Variants in QTRT2 observed in about 807,000 individuals in gnomAD.
QTRT2 encodes queuine tRNA-ribosyltransferase accessory subunit 2.
In QTRT2, 32 loss-of-function variants were observed where a neutral mutation model predicts 44.8. That is an observed-to-expected ratio of 0.71 (90% CI 0.54 to 0.96). The LOEUF is 0.96. Ranked by LOEUF, QTRT2 falls within the 40% of genes least tolerant of loss-of-function variation. The pLI is 0.00. For synonymous variants in QTRT2, 182 were observed against 187.4 expected, an observed-to-expected ratio of 0.97 and a Z score of 0.24; for missense variants, 461 against 503.1, an observed-to-expected ratio of 0.92 and a Z score of 0.80.
chr3:114,061,692 C>T (rs1391647298), intron 2 of QTRT2, among the ~76,000 whole-genome samples: 3 of 152,094 alleles, frequency 2.0e-5, no homozygotes, highest in Admixed American at 6.5e-5. Flanking sequence ...ATCTTCCTAC[C>T]TCAGATTCCC....
In QTRT2 at chr3:114,057,067, T is replaced by G; in HGVS notation, c.-61T>G. 1 of 1,380,284 alleles carries G rather than the reference T, an allele frequency of 7.2e-7. No individual in the cohort carries two copies. The highest frequency in any genetic ancestry group is 9.3e-7 in the Non-Finnish European group (1 of 1,070,786). 85.5% of individuals were successfully genotyped at this position (1,380,284 alleles called of 1,614,324 possible). ...ATCGTGTGAGCGTCGCCGACACCTC[T>G]GAGATAAAAGGGCCCCTTTCGACTA... On this transcript the variant is annotated 5_prime_UTR_variant, in exon 2 of 10. Coordinates refer to ENST00000281273, the MANE Select transcript of QTRT2 (RefSeq NM_024638.4).
At chr3:114,059,971 G>A (rs2076860269) in intron 2 of QTRT2, among the ~76,000 whole-genome samples, 1 of 152,174 alleles carries the variant, frequency 6.6e-6, no homozygotes, top group Admixed American at 6.6e-5. Context: ...AGTTATTTGG[G>A]ATTAAAGCAT....
At chr3:114,075,209 C>G (rs1227854299) in intron 6 of QTRT2, among the ~76,000 whole-genome samples, 1 of 152,062 alleles carries the variant, frequency 6.6e-6, no homozygotes, top group Non-Finnish European at 1.5e-5. Context: ...ATGTTGTTAT[C>G]TATGTTTTAA....
intron 7 of QTRT2, chr3:114,079,485 T>C (rs1577543878): frequency 6.3e-6 from 1 of 159,170 alleles, no homozygotes; most frequent in Non-Finnish European, 1.4e-5. Flanking sequence ...TTGCAGTGAG[T>C]CGAGTTTGCG....
intron 2 of QTRT2, among the ~76,000 whole-genome samples, chr3:114,063,982 A>G (rs2076920108): frequency 6.6e-6 from 1 of 152,130 alleles, no homozygotes; most frequent in African/African-American, 2.4e-5. Flanking sequence ...TGGGAGGCTG[A>G]GGTGGGCGGA....
chr3:114,088,162 G>A lies in QTRT2; in HGVS notation c.*2258G>A, dbSNP rs2077260703. ...TAAATGCATCGTTAGGGGAGTAGTGGTAAATATTCCAGAATCCATATGAAA... is the reference window on the plus strand; with the variant it reads ...TAAATGCATCGTTAGGGGAGTAGTGATAAATATTCCAGAATCCATATGAAA... On this transcript the variant is annotated 3_prime_UTR_variant, in exon 10 of 10. Transcript: ENST00000281273. 1 of 152,164 alleles carries A rather than the reference G, an allele frequency of 6.6e-6. No homozygotes were observed. The highest frequency in any genetic ancestry group is 1.5e-5 in the Non-Finnish European group (1 of 68,024). 9.4% of individuals were successfully genotyped at this position (152,164 alleles called of 1,614,324 possible). A position where few individuals can be genotyped will look rare whatever the true frequency, so the allele number is the denominator to read the frequency against.
intron 4 of QTRT2, 123 bp from the exon 5 acceptor site, chr3:114,067,864 A>G (rs2076974018): frequency 8.3e-6 from 6 of 723,346 alleles, no homozygotes; most frequent in African/African-American, 1.8e-5. Flanking sequence ...TTCAGATACA[A>G]CCTATTGACA....
rs539912464 is a variant in QTRT2 at position 114,056,868 on chromosome 3, A to G, written c.-130+4A>G. The G allele has an allele frequency of 1.0e-5, 16 of 1,535,964 alleles. No homozygotes were observed. In the South Asian group the frequency reaches 1.8e-4, roughly 17 times the overall value. On this transcript the variant is annotated splice_donor_region_variant and intron_variant, in intron 1 of 9. Transcript: ENST00000281273. ...GAGTCGAATGGTTTGTTGGCAGGTA[A>G]GTGCCCCTTTGCCCTGCTGGTGTGG...
intron 5 of QTRT2, among the ~76,000 whole-genome samples, chr3:114,069,853 G>A (rs2077001737): frequency 2.0e-5 from 3 of 152,114 alleles, no homozygotes; most frequent in African/African-American, 4.8e-5. Flanking sequence ...GGAGATTTAA[G>A]TCTTTAATTC....
rs76007538 is a variant in QTRT2 at position 114,084,907 on chromosome 3, C to T, written c.1017-766C>T. Among the ~76,000 whole-genome samples, 48 of 152,232 alleles carry T rather than the reference C, an allele frequency of 3.2e-4. No homozygotes were observed. The East Asian group carries it at 8.7e-3, about 28-fold the overall frequency. On this transcript the variant is annotated intron_variant, in intron 9 of 9. Transcript: ENST00000281273. ...GAATGAATGTGAAGGTTAAATGAGA[C>T]AGTGTATGTGAAAGTATTTGGTAAA... is the stretch of plus-strand genomic sequence containing the variant.
At chr3:114,082,827 TC>T in intron 9 of QTRT2, 33 bp downstream of exon 9, 1 of 954,984 alleles carries the variant, frequency 1.0e-6, no homozygotes, top group Middle Eastern at 2.3e-4. Context: ...GATTTTGCTT[TC>T]TGACTTCTGA....
At chr3:114,079,742 A>G (rs2077140729) in intron 7 of QTRT2, 164 bp from the exon 8 acceptor site, 6 of 554,226 alleles carry the variant, frequency 1.1e-5, no homozygotes, top group South Asian at 1.0e-4. Context: ...CTCCAAAGCC[A>G]TATGTTCTTT....
At chr3:114,066,692 G>A (rs2076958189) in intron 4 of QTRT2, 1 of 159,916 alleles carries the variant, frequency 6.3e-6, no homozygotes, top group Admixed American at 6.1e-5. Flanking sequence ...GAGAAGTTGA[G>A]GGGCATTTTA....
intron 7 of QTRT2, chr3:114,079,177 C>T (rs2077130952): frequency 6.6e-6 from 1 of 152,106 alleles, no homozygotes; most frequent in South Asian, 2.1e-4. Context: ...AGTTTATGAC[C>T]AGGGAGGTTG....
chr3:114,068,162 C>G (rs1157445793), intron 5 of QTRT2, 99 bp downstream of exon 5: 1 of 925,374 alleles, frequency 1.1e-6, no homozygotes, highest in Admixed American at 1.8e-5. Flanking sequence ...CTGGGATGAT[C>G]CCTTATACCT....
At chr3:114,070,142 TC>T (rs2077005041) in intron 5 of QTRT2, among the ~76,000 whole-genome samples, 1 of 152,158 alleles carries the variant, frequency 6.6e-6, no homozygotes, top group African/African-American at 2.4e-5. Context: ...AAGTAGAAGT[TC>T]CAGCACCTAG....
intron 7 of QTRT2, chr3:114,077,736 G>A (rs1219254789): frequency 1.6e-4 from 23 of 140,746 alleles, no homozygotes; most frequent in African/African-American, 5.2e-4. Context: ...TTTTTGAGAC[G>A]GAGTTTTGCT....
In QTRT2 at chr3:114,085,889, C is replaced by G. The variant is rs747588553; in HGVS notation, c.1233C>G (p.His411Gln). ...DKLAQLKELI[H>Q]RQAS ...TGGCACAGTTGAAAGAGCTCATCCA[C>G]AGGCAAGCATCTTGAGATCTTGCAA... The change falls in exon 10 of 10, where the codon CAC becomes CAG. Residue 411 changes from histidine (H) to glutamine (Q), a missense_variant. Coordinates refer to ENST00000281273, the MANE Select transcript of QTRT2 (RefSeq NM_024638.4). 7.4e-6 allele frequency: 12 copies of G among 1,613,510 alleles called. No individual in the cohort carries two copies. The Admixed American group carries it at 2.0e-4, about 27-fold the overall frequency.
chr3:114,060,525 T>G (rs867971396), intron 2 of QTRT2, among the ~76,000 whole-genome samples: 8 of 111,752 alleles, frequency 7.2e-5, no homozygotes, highest in Non-Finnish European at 1.4e-4. Flanking sequence ...GATAGATAGA[T>G]AGATAGATAG....
Sources: gnomAD v4.1 joint callset for allele counts (sites outside exome capture counted in the v4.1 genomes callset) on GRCh38, gnomAD v4.1.1 for gene constraint, MANE v1.5 for transcripts, NCBI Gene and HGNC (gene_info 2026-07-23, HGNC 2026-07-21) for gene names.